GPT2: variants seen among roughly 807,000 people sequenced by gnomAD.
GPT2 encodes alanine aminotransferase 2.
In GPT2, 30 loss-of-function variants were observed where a neutral mutation model predicts 56.9. That is an observed-to-expected ratio of 0.53 (90% CI 0.39 to 0.72). GPT2 has a LOEUF of 0.72. GPT2 is among the 30% of genes least tolerant of loss of function. GPT2 has a pLI of 0.00. For missense variants in GPT2, 542 were observed against 703.4 expected (o/e 0.77, Z 2.60); for synonymous variants, 271 against 283.1 (o/e 0.96, Z 0.43).
rs780466709 is a variant in GPT2, at chr16:46,909,975, G to A, written c.820+48G>A. 1.8e-5 allele frequency: 27 copies of A among 1,535,100 alleles called. No homozygotes were observed. In the East Asian group the frequency reaches 5.9e-4, roughly 34 times the overall value. ...AGTTTCGTAGAGGGTGGGGGTGGCT[G>A]ATACACTGGCTGTCTAGAAACCAGA... is the stretch of plus-strand genomic sequence containing the variant. On this transcript the variant is annotated intron_variant, in intron 6 of 11. Coordinates refer to ENST00000340124, the MANE Select transcript of GPT2 (RefSeq NM_133443.4).
intron 2 of GPT2, among the ~76,000 whole-genome samples, chr16:46,888,147 ACAGT>A (rs772962288): frequency 4.6e-5 from 7 of 152,234 alleles, no homozygotes; most frequent in Non-Finnish European, 8.8e-5. Flanking sequence ...TTGTAAGGCA[ACAGT>A]CAGGGCAGAC....
intron 2 of GPT2, among the ~76,000 whole-genome samples, chr16:46,895,570 T>TGGA: frequency 1.3e-5 from 2 of 152,086 alleles, no homozygotes; most frequent in Middle Eastern, 6.9e-3. Flanking sequence ...ATGCCCAGGC[T>TGGA]GGAGAGTAGT....
chr16:46,884,787 G>A lies in GPT2; in HGVS notation c.72G>A (p.Gln24=). The A allele has an allele frequency of 6.6e-7, 1 of 1,524,636 alleles. No individual in the cohort carries two copies. Among genetic ancestry groups the A allele is most frequent in the South Asian group, 1.2e-5 (1 of 81,484 alleles). The allele number at this position is 1,524,636 out of a possible 1,614,324, so 94.4% of individuals were successfully genotyped here. The change falls in exon 2 of 12, where the codon CAG becomes CAA. Residue 24 remains glutamine (Q), a synonymous_variant. Coordinates refer to ENST00000340124, the MANE Select transcript of GPT2 (RefSeq NM_133443.4). ...CCCCCAGCTCCTGGGGCCGCAGCCAGAGCAGCGCGGCCGCCGAGGCCTCGG... is the reference window on the plus strand; with the variant it reads ...CCCCCAGCTCCTGGGGCCGCAGCCAAAGCAGCGCGGCCGCCGAGGCCTCGG... ...PRTPSSWGRS[Q]SSAAAEASAV...
At chr16:46,894,206 C>T (rs1467919281) in intron 2 of GPT2, among the ~76,000 whole-genome samples, 3 of 152,154 alleles carry the variant, frequency 2.0e-5, no homozygotes, top group Admixed American at 6.5e-5. Context: ...TCGAGCAGTG[C>T]GGGGGGAGGG....
chr16:46,891,830 A>G, intron 2 of GPT2, among the ~76,000 whole-genome samples: 1 of 151,180 alleles, frequency 6.6e-6, no homozygotes, highest in Non-Finnish European at 1.5e-5. Context: ...TATTGACTAT[A>G]GTCACCCTGT....
At chr16:46,917,758 G>A (rs1202046328) in intron 7 of GPT2, among the ~76,000 whole-genome samples, 2 of 151,582 alleles carry the variant, frequency 1.3e-5, no homozygotes, top group Non-Finnish European at 2.9e-5. Context: ...ACAGACACAC[G>A]TACATAGACA....
Position 46,930,032 on chromosome 16 carries a change from G to A in GPT2, c.*1035G>A, listed in dbSNP as rs1281986640. On this transcript the variant is annotated 3_prime_UTR_variant, in exon 12 of 12. Coordinates refer to ENST00000340124, the MANE Select transcript of GPT2 (RefSeq NM_133443.4). ...AATCTGGTCGGTTTCCTAGCTTTTAGGTGGTAAAAGTGCCTGGCAGCTTGG... is the reference window on the plus strand; with the variant it reads ...AATCTGGTCGGTTTCCTAGCTTTTAAGTGGTAAAAGTGCCTGGCAGCTTGG... The A allele has an allele frequency of 6.5e-6, 1 of 153,160 alleles. No individual in the cohort carries two copies. Among genetic ancestry groups the A allele is most frequent in the Non-Finnish European group, 1.5e-5 (1 of 68,142 alleles). 9.5% of individuals were successfully genotyped at this position (153,160 alleles called of 1,614,324 possible).
At chr16:46,884,617 G>C in intron 1 of GPT2, 77 bp from the exon 2 acceptor site, 2 of 1,286,292 alleles carry the variant, frequency 1.6e-6, no homozygotes, top group Non-Finnish European at 2.0e-6. Context: ...AAGAGCCCTT[G>C]GCTGGGCTTG....
chr16:46,904,370 C>T (rs918910368), intron 4 of GPT2, among the ~76,000 whole-genome samples: 5 of 152,182 alleles, frequency 3.3e-5, no homozygotes, highest in Admixed American at 2.6e-4. Flanking sequence ...ATGATCGTGC[C>T]GCTGCACACC....
intron 3 of GPT2, among the ~76,000 whole-genome samples, chr16:46,899,035 A>ATATATTTTT (rs1567335287): frequency 1.3e-5 from 1 of 77,226 alleles, no homozygotes; most frequent in African/African-American, 9.0e-5. Flanking sequence ...ATATATATAT[A>ATATATTTTT]TTTTTTTTTT....
At chr16:46,919,258 C>G (rs1427512950) in intron 8 of GPT2, among the ~76,000 whole-genome samples, 2 of 152,178 alleles carry the variant, frequency 1.3e-5, no homozygotes, top group African/African-American at 4.8e-5. Context: ...CCGCGGATGC[C>G]GCAGCGAACA....
intron 5 of GPT2, among the ~76,000 whole-genome samples, chr16:46,908,288 G>T (rs1960977640): frequency 6.6e-6 from 1 of 151,050 alleles, no homozygotes; most frequent in African/African-American, 2.4e-5. Flanking sequence ...CTGCAGTCCT[G>T]TGTTTGGGGG....
At chr16:46,921,219 A>C (rs1179172321) in intron 8 of GPT2, among the ~76,000 whole-genome samples, 1 of 152,140 alleles carries the variant, frequency 6.6e-6, no homozygotes, top group Non-Finnish European at 1.5e-5. Flanking sequence ...CCCAGGCTGG[A>C]GTGCAGAGGC....
At chr16:46,924,212 G>T in intron 9 of GPT2, 177 bp from the exon 10 acceptor site, 1 of 709,146 alleles carries the variant, frequency 1.4e-6, no homozygotes, top group East Asian at 2.8e-5. Context: ...TGTGCATGGG[G>T]CATGTGACCC....
At chr16:46,902,376 G>T (rs189824652) in intron 4 of GPT2, among the ~76,000 whole-genome samples, 21 of 152,262 alleles carry the variant, frequency 1.4e-4, no homozygotes, top group Middle Eastern at 3.4e-3. Context: ...TGCAAGGAAG[G>T]TTCATGTGTG....
At chr16:46,928,328 CAAA>C (rs796983032) in intron 11 of GPT2, among the ~76,000 whole-genome samples, 1 of 142,408 alleles carries the variant, frequency 7.0e-6, no homozygotes, top group African/African-American at 2.6e-5. Context: ...ACCCTATCTC[CAAA>C]AAAAAAAATA....
chr16:46,931,126 G>GC lies in GPT2; in HGVS notation c.*2131dup, dbSNP rs1961536510. 6.6e-6 allele frequency: 1 copy of GC among 152,274 alleles called. No homozygotes were observed. The highest frequency in any genetic ancestry group is 2.1e-4 in the South Asian group (1 of 4,834). 9.4% of individuals were successfully genotyped at this position (152,274 alleles called of 1,614,324 possible). A position where few individuals can be genotyped will look rare whatever the true frequency, so the allele number is the denominator to read the frequency against. ...TGCATCACCGGGCACCCAGAGGCTT[G>GC]CCTGGCTATTCCTGTTCTGGTGTGT... On this transcript the variant is annotated 3_prime_UTR_variant, in exon 12 of 12. Transcript: ENST00000340124.
At chr16:46,919,434 C>T (rs953385459) in intron 8 of GPT2, among the ~76,000 whole-genome samples, 3 of 152,144 alleles carry the variant, frequency 2.0e-5, no homozygotes, top group Admixed American at 6.5e-5. Flanking sequence ...AGTTAAACCC[C>T]GAAGGAGTGT....
intron 6 of GPT2, among the ~76,000 whole-genome samples, chr16:46,914,638 G>A (rs1961107019): frequency 6.6e-6 from 1 of 152,208 alleles, no homozygotes; most frequent in African/African-American, 2.4e-5. Flanking sequence ...CAGCTGACAG[G>A]AGACACCAAA....
Sources: gnomAD v4.1 joint callset for allele counts (sites outside exome capture counted in the v4.1 genomes callset) on GRCh38, gnomAD v4.1.1 for gene constraint, MANE v1.5 for transcripts, NCBI Gene and HGNC (gene_info 2026-07-23, HGNC 2026-07-21) for gene names.